The following FSTL5 variants were observed in gnomAD, a reference collection of about 807,000 sequenced individuals.
FSTL5 encodes follistatin-related protein 5.
A neutral mutation model predicts 89.1 loss-of-function variants in FSTL5; 62 were observed. The observed-to-expected ratio is 0.70, with a 90% CI of 0.57 to 0.86. The LOEUF (loss-of-function observed/expected upper bound fraction) is 0.86, where lower values mean the gene tolerates loss of function less well. Ranked by LOEUF, FSTL5 falls within the 40% of genes least tolerant of loss-of-function variation. The probability of loss-of-function intolerance (pLI) is 0.00; values close to 1 mark genes in which losing one functional copy is unlikely to be tolerated. For missense variants in FSTL5, 1,057 were observed against 1,001.6 expected, an observed-to-expected ratio of 1.06 and a Z score of -0.75; for synonymous variants, 383 against 346.2, an observed-to-expected ratio of 1.11 and a Z score of -1.18.
chr4:161,644,789 A>G (rs1253790555), intron 7 of FSTL5, among the ~76,000 whole-genome samples: 1 of 152,200 alleles, frequency 6.6e-6, no homozygotes, highest in Non-Finnish European at 1.5e-5. Flanking sequence ...GCAGGTTGAA[A>G]GCGAAGGAGA....
intron 4 of FSTL5, among the ~76,000 whole-genome samples, chr4:161,777,243 G>GTATATA (rs4065063): frequency 0.3 from 43,005 of 144,610 alleles, 6,674 homozygotes; most frequent in East Asian, 0.5. Context: ...ATTTCATTGT[G>GTATATA]TATATATATA....
chr4:161,511,987 GT>G (rs987545627), intron 10 of FSTL5, among the ~76,000 whole-genome samples: 3 of 151,930 alleles, frequency 2.0e-5, no homozygotes, highest in Non-Finnish European at 4.4e-5. Context: ...TATGTTCAAG[GT>G]ATATCAACCA....
At chr4:161,711,872 A>C (rs1738792968) in intron 6 of FSTL5, among the ~76,000 whole-genome samples, 1 of 152,174 alleles carries the variant, frequency 6.6e-6, no homozygotes, top group Non-Finnish European at 1.5e-5. Context: ...AACGAAAAAT[A>C]AAAGTACACG....
In FSTL5 at chr4:161,385,654, T is replaced by C; in HGVS notation, c.*93A>G. 2.0e-6 allele frequency: 2 copies of C among 978,088 alleles called. No individual in the cohort carries two copies. Among genetic ancestry groups the C allele is most frequent in the Admixed American group, 2.6e-5 (1 of 38,946 alleles). The allele number at this position is 978,088 out of a possible 1,614,324, so 60.6% of individuals were successfully genotyped here. On this transcript the variant is annotated 3_prime_UTR_variant, in exon 16 of 16. Coordinates refer to ENST00000306100, the MANE Select transcript of FSTL5 (RefSeq NM_020116.5). ...CCAAGTAAATTTTGTTTGACTAGGATATAAACTTGGAAAGTTAAGTTGTAA... is the reference window on the plus strand; with the variant it reads ...CCAAGTAAATTTTGTTTGACTAGGACATAAACTTGGAAAGTTAAGTTGTAA...
At chr4:161,519,319 G>A (rs1730943030) in intron 10 of FSTL5, among the ~76,000 whole-genome samples, 2 of 152,104 alleles carry the variant, frequency 1.3e-5, no homozygotes, top group South Asian at 4.1e-4. Context: ...CAGGTCAGGA[G>A]ATCGAGACCA....
intron 1 of FSTL5, among the ~76,000 whole-genome samples, chr4:162,120,577 A>G (rs543348455): frequency 1.7e-4 from 26 of 152,202 alleles, no homozygotes; most frequent in African/African-American, 6.3e-4. Context: ...AAGAGTAGGT[A>G]TACATTAAGT....
At chr4:161,869,954 T>C (rs1383412397) in intron 4 of FSTL5, among the ~76,000 whole-genome samples, 2 of 152,140 alleles carry the variant, frequency 1.3e-5, no homozygotes, top group African/African-American at 4.8e-5. Context: ...CCTCCTCCTA[T>C]CTCACTTTCC....
At chr4:161,414,747 T>A (rs1439954913) in intron 15 of FSTL5, among the ~76,000 whole-genome samples, 2 of 152,180 alleles carry the variant, frequency 1.3e-5, no homozygotes, top group Non-Finnish European at 2.9e-5. Flanking sequence ...TTAACAGACA[T>A]TATTTTCTTT....
intron 12 of FSTL5, among the ~76,000 whole-genome samples, chr4:161,495,906 A>G (rs1730053024): frequency 1.3e-5 from 2 of 152,148 alleles, no homozygotes; most frequent in African/African-American, 4.8e-5. Flanking sequence ...TTCTGTACTA[A>G]AAACTCATAT....
chr4:162,044,394 T>C (rs965782692), intron 2 of FSTL5, among the ~76,000 whole-genome samples: 2 of 152,162 alleles, frequency 1.3e-5, no homozygotes, highest in Non-Finnish European at 2.9e-5. Context: ...CTTAAAATAT[T>C]CAGTAAACCA....
At chr4:161,539,319 T>C (rs775063200) in intron 9 of FSTL5, among the ~76,000 whole-genome samples, 37 of 152,008 alleles carry the variant, frequency 2.4e-4, no homozygotes, top group Admixed American at 5.2e-4. Flanking sequence ...CAGTGTGGTT[T>C]GGGAAAACAA....
chr4:161,474,500 T>A (rs1354901636), intron 13 of FSTL5, among the ~76,000 whole-genome samples: 1 of 151,470 alleles, frequency 6.6e-6, no homozygotes, highest in East Asian at 1.9e-4. Context: ...TTTGCTTTTA[T>A]AAAGATCTGT....
chr4:161,718,590 G>A (rs952770445), intron 6 of FSTL5, among the ~76,000 whole-genome samples: 6 of 151,818 alleles, frequency 4.0e-5, no homozygotes, highest in South Asian at 2.1e-4. Context: ...CACCATGCCC[G>A]GCTACTTTTT....
intron 8 of FSTL5, among the ~76,000 whole-genome samples, chr4:161,556,711 T>G (rs1732404137): frequency 6.6e-6 from 1 of 151,232 alleles, no homozygotes. Flanking sequence ...TCAGGAAGTT[T>G]TATTGCAAAC....
intron 3 of FSTL5, among the ~76,000 whole-genome samples, chr4:162,002,001 T>C (rs990538906): frequency 6.6e-6 from 1 of 152,146 alleles, no homozygotes; most frequent in Non-Finnish European, 1.5e-5. Context: ...TTATTTTTTT[T>C]AAGTATCATT....
intron 3 of FSTL5, among the ~76,000 whole-genome samples, chr4:161,950,466 C>T (rs547537431): frequency 3.9e-5 from 6 of 152,232 alleles, no homozygotes; most frequent in East Asian, 1.9e-4. Flanking sequence ...CCTTCCCATC[C>T]GCCCATATCC....
chr4:162,079,637 C>G (rs1244106402), intron 2 of FSTL5, among the ~76,000 whole-genome samples: 1 of 151,288 alleles, frequency 6.6e-6, no homozygotes, highest in African/African-American at 2.4e-5. Context: ...TACAATTCTT[C>G]AGGGTAGGAT....
chr4:161,399,226 A>T (rs534407630), intron 15 of FSTL5, among the ~76,000 whole-genome samples: 8 of 152,216 alleles, frequency 5.3e-5, no homozygotes, highest in African/African-American at 1.9e-4. Flanking sequence ...CACTGATGTC[A>T]TGAATGGTCA....
chr4:161,809,114 G>A (rs1730063549), intron 4 of FSTL5, among the ~76,000 whole-genome samples: 3 of 152,182 alleles, frequency 2.0e-5, no homozygotes, highest in Admixed American at 6.5e-5. Context: ...AGCTACTCAG[G>A]AGGCTGAGGC....
Sources: gnomAD v4.1 joint callset for allele counts (sites outside exome capture counted in the v4.1 genomes callset) on GRCh38, gnomAD v4.1.1 for gene constraint, MANE v1.5 for transcripts, NCBI Gene and HGNC (gene_info 2026-07-23, HGNC 2026-07-21) for gene names.